DIPK1C: variants seen among roughly 807,000 people sequenced by gnomAD.
The protein encoded by DIPK1C is familial non-conventional Alzheimer's dementia.
In DIPK1C, 33 loss-of-function variants were observed where a neutral mutation model predicts 28.0. That is an observed-to-expected ratio of 1.18 (90% confidence interval 0.89 to 1.58). The LOEUF is 1.58. Ranked by LOEUF, DIPK1C falls within the 40% of genes most tolerant of loss-of-function variation. The pLI, the probability that DIPK1C is intolerant of heterozygous loss-of-function variation, is 0.00. For synonymous variants in DIPK1C, 255 were observed against 248.8 expected (o/e 1.02, Z -0.23); for missense variants, 569 against 568.5 (o/e 1.00, Z -0.01).
rs1169900256 is a variant in DIPK1C, at chr18:74,447,544, G to C, written c.199-261C>G. On this transcript the variant is annotated intron_variant, in intron 1 of 3. Transcript: ENST00000343998. The surrounding 1 kb of genome is among the most constrained non-coding windows in gnomAD (Gnocchi z 4.1). ...CTACAGAATCAGGACACCTGCGGCC[G>C]GGAAGCACGACTTCCCATCGTTCAG... is the stretch of plus-strand genomic sequence containing the variant. 6.6e-6 allele frequency among the ~76,000 whole-genome samples: 1 copy of C among 152,200 alleles called. No homozygotes were observed. The highest frequency in any genetic ancestry group is 1.5e-5 in the Non-Finnish European group (1 of 68,036).
At chr18:74,450,923 C>T (rs780857012) in intron 1 of DIPK1C, among the ~76,000 whole-genome samples, 15 of 152,284 alleles carry the variant, frequency 9.9e-5, no homozygotes, top group African/African-American at 1.9e-4. Flanking sequence ...GGCTTGTTTC[C>T]GAGTCTGGAA....
At chr18:74,448,868 G>A (rs1986333828) in intron 1 of DIPK1C, among the ~76,000 whole-genome samples, 1 of 152,182 alleles carries the variant, frequency 6.6e-6, no homozygotes. Context: ...CAGCACTTTG[G>A]GAGGCCGAGG....
intron 1 of DIPK1C, among the ~76,000 whole-genome samples, chr18:74,449,946 T>C (rs530014630): frequency 2.0e-5 from 3 of 152,180 alleles, no homozygotes; most frequent in Non-Finnish European, 4.4e-5. Flanking sequence ...ATCCGGACCC[T>C]TTGCGCCCAG....
intron 3 of DIPK1C, among the ~76,000 whole-genome samples, chr18:74,440,151 A>G (rs535561322): frequency 2.0e-5 from 3 of 152,250 alleles, no homozygotes. Flanking sequence ...TCACCGTGTT[A>G]GCCAGGATGG....
intron 1 of DIPK1C, among the ~76,000 whole-genome samples, chr18:74,456,229 A>T (rs1986508541): frequency 6.6e-6 from 1 of 152,252 alleles, no homozygotes; most frequent in South Asian, 2.1e-4. Context: ...TGCGCCTGAA[A>T]GAACGGCTAG....
At chr18:74,443,344 T>G (rs1290876751) in intron 2 of DIPK1C, among the ~76,000 whole-genome samples, 2 of 152,160 alleles carry the variant, frequency 1.3e-5, no homozygotes, top group East Asian at 3.9e-4. Context: ...ACTAGGACAG[T>G]TGATGAATTT....
At chr18:74,451,341 G>A (rs1358108217) in intron 1 of DIPK1C, among the ~76,000 whole-genome samples, 4 of 152,048 alleles carry the variant, frequency 2.6e-5, no homozygotes, top group South Asian at 2.1e-4. Context: ...CTTCCTACCC[G>A]GCCTGGCCAA....
At chr18:74,439,117 T>G (rs377380065) in intron 3 of DIPK1C, among the ~76,000 whole-genome samples, 1,515 of 55,394 alleles carry the variant, frequency 0.027, 27 homozygotes, top group African/African-American at 0.071. Flanking sequence ...TTGTTTTTTG[T>G]TTTTTTTTTT....
In DIPK1C at chr18:74,446,718, T is replaced by A; in HGVS notation, c.764A>T (p.Asp255Val). The change falls in exon 2 of 4, where the codon GAC (aspartate) becomes GTC (valine). Residue 255 changes from aspartate to valine, a missense_variant. Transcript: ENST00000343998. ...PGGGQAKAIS[D>V]IALSFLDMVN... ...CATGTCCAAGAAGCTGAGTGCGATG[T>A]CACTGATGGCCTTGGCCTGGCCACC... 1 of 1,543,370 alleles carries A rather than the reference T, an allele frequency of 6.5e-7. No individual in the cohort carries two copies. Among genetic ancestry groups the A allele is most frequent in the Non-Finnish European group, 8.8e-7 (1 of 1,142,650 alleles).
chr18:74,450,183 C>T (rs1326985856), intron 1 of DIPK1C, among the ~76,000 whole-genome samples: 4 of 152,126 alleles, frequency 2.6e-5, no homozygotes, highest in South Asian at 2.1e-4. Flanking sequence ...CATAGTTTCA[C>T]GTCTCTATAA....
intron 3 of DIPK1C, among the ~76,000 whole-genome samples, chr18:74,437,348 A>T (rs1986021076): frequency 6.6e-6 from 1 of 152,224 alleles, no homozygotes; most frequent in Non-Finnish European, 1.5e-5. Flanking sequence ...TTATTCTAGG[A>T]GCAGAGGTAA....
intron 1 of DIPK1C, among the ~76,000 whole-genome samples, chr18:74,453,888 T>C (rs1217033888): frequency 6.6e-6 from 1 of 151,868 alleles, no homozygotes; most frequent in African/African-American, 2.4e-5. Flanking sequence ...TTCATAGAGG[T>C]TGTTGAGGGA....
At chr18:74,458,378 T>G (rs1986565114), upstream of DIPK1C, among the ~76,000 whole-genome samples, 1 of 152,010 alleles carries the variant, frequency 6.6e-6, no homozygotes, top group Non-Finnish European at 1.5e-5. Context: ...CGTTCCCGAG[T>G]TTAGAGATAA....
At chr18:74,452,718 C>T (rs1204572551) in intron 1 of DIPK1C, among the ~76,000 whole-genome samples, 2 of 151,978 alleles carry the variant, frequency 1.3e-5, no homozygotes, top group African/African-American at 4.8e-5. Flanking sequence ...AGAAAACAAA[C>T]AAAAACTCCA....
chr18:74,456,956 C>A (rs1020651837), intron 1 of DIPK1C, 106 bp downstream of exon 1: 97 of 1,162,048 alleles, frequency 8.3e-5, no homozygotes, highest in Non-Finnish European at 4.7e-5. Context: ...ATGTCCCCGG[C>A]GGGTGCCACC....
In DIPK1C at chr18:74,437,728, G is replaced by A. The variant is rs1259471525; in HGVS notation, c.1042-1009C>T. On this transcript the variant is annotated intron_variant, in intron 3 of 3. Transcript: ENST00000343998. ...TAAAATGTTCTTAAGGCTAGACCGTGATCTCAGGCTCCACCTCACCCCGAT... is the reference window on the plus strand; with the variant it reads ...TAAAATGTTCTTAAGGCTAGACCGTAATCTCAGGCTCCACCTCACCCCGAT... Among the ~76,000 whole-genome samples, 6 of 152,192 alleles carry A rather than the reference G, an allele frequency of 3.9e-5. No homozygotes were observed. The South Asian group carries it at 1.2e-3, about 32-fold the overall frequency.
At chr18:74,459,912 C>T (rs1599045297), upstream of DIPK1C, among the ~76,000 whole-genome samples, 1 of 152,104 alleles carries the variant, frequency 6.6e-6, no homozygotes, top group South Asian at 2.1e-4. Flanking sequence ...GGTGGGCTCC[C>T]GATCCCTGGG....
At chr18:74,455,770 A>G (rs1351710756) in intron 1 of DIPK1C, among the ~76,000 whole-genome samples, 2 of 151,872 alleles carry the variant, frequency 1.3e-5, no homozygotes, top group Non-Finnish European at 2.9e-5. Context: ...CAAACCAACA[A>G]CAACAAAACT....
chr18:74,442,905 C>T (rs1370901653), intron 2 of DIPK1C, among the ~76,000 whole-genome samples: 2 of 152,214 alleles, frequency 1.3e-5, no homozygotes, highest in Non-Finnish European at 2.9e-5. Flanking sequence ...TGAATACAAG[C>T]TATCCAGGGA....
Sources: allele counts gnomAD v4.1 joint callset (sites outside exome capture counted in the v4.1 genomes callset), GRCh38; gene constraint gnomAD v4.1.1; non-coding constraint Gnocchi (gnomAD v3.1); transcripts MANE v1.5; gene names NCBI Gene and HGNC (gene_info 2026-07-23, HGNC 2026-07-21).